DSCAML1: variants seen among roughly 807,000 people sequenced by gnomAD.
The protein encoded by DSCAML1 is cell adhesion molecule DSCAML1.
DSCAML1 carries 38 observed loss-of-function variants against 200.5 expected under a neutral mutation model. That is an observed-to-expected ratio of 0.19 (90% CI 0.15 to 0.25). The LOEUF is 0.25. DSCAML1 is among the 10% of genes least tolerant of loss of function. The pLI is 1.00. For missense variants in DSCAML1, 2,223 were observed against 2,858.8 expected, an observed-to-expected ratio of 0.78 and a Z score of 5.07; for synonymous variants, 1,215 against 1,165.0, an observed-to-expected ratio of 1.04 and a Z score of -0.87.
intron 11 of DSCAML1, among the ~76,000 whole-genome samples, chr11:117,499,350 A>G (rs1045880649): frequency 2.0e-5 from 3 of 152,178 alleles, no homozygotes; most frequent in African/African-American, 2.4e-5. Context: ...CTACAGTCAC[A>G]GCTAGTCTGA....
intron 3 of DSCAML1, among the ~76,000 whole-genome samples, chr11:117,544,932 CT>C (rs1037123900): frequency 2.6e-5 from 4 of 152,170 alleles, no homozygotes; most frequent in African/African-American, 9.6e-5. Context: ...TGATGATGCC[CT>C]TATAACAAGA....
intron 3 of DSCAML1, among the ~76,000 whole-genome samples, chr11:117,735,470 G>T (rs543560641): frequency 6.6e-6 from 1 of 152,080 alleles, no homozygotes; most frequent in Admixed American, 6.5e-5. Context: ...ACCTGCCCCT[G>T]AAGAGAGGAG....
At chr11:117,745,449 A>G (rs2054502413) in intron 3 of DSCAML1, among the ~76,000 whole-genome samples, 1 of 152,156 alleles carries the variant, frequency 6.6e-6, no homozygotes, top group African/African-American at 2.4e-5. Context: ...GGCGGGGGAC[A>G]GGGATGGGCA....
chr11:117,797,700 C>T (rs2055611092), upstream of DSCAML1, among the ~76,000 whole-genome samples: 4 of 152,078 alleles, frequency 2.6e-5, no homozygotes, highest in African/African-American at 9.7e-5. Context: ...CCCTTCCAAC[C>T]CCTCGTGACT....
At chr11:117,506,045 C>T (rs1712739143) in intron 8 of DSCAML1, among the ~76,000 whole-genome samples, 1 of 152,230 alleles carries the variant, frequency 6.6e-6, no homozygotes. Context: ...TCCAGCTTCC[C>T]TGCTGCTCCT....
chr11:117,658,715 T>G (rs750910586), intron 3 of DSCAML1, among the ~76,000 whole-genome samples: 1 of 152,212 alleles, frequency 6.6e-6, no homozygotes, highest in Non-Finnish European at 1.5e-5. Context: ...AGCTGGGAAT[T>G]AGGATAAGCA....
intron 20 of DSCAML1, among the ~76,000 whole-genome samples, chr11:117,447,506 AG>A (rs1161361799): frequency 3.3e-5 from 5 of 151,968 alleles, no homozygotes. Context: ...GTTTATCTGT[AG>A]GAAGTACAAG....
At position 117,521,136 on chromosome 11, in the gene DSCAML1, G is replaced by C; in HGVS notation, c.1207C>G (p.Leu403Val). ...TCCTGGCGCCCCAGCTCACCCTCAA[G>C]TGCAATGATGGCAAAGTCCTGGGCG... Reference protein sequence around the residue: ...QTAQDFAIIALEDGTPRIVSS... With the variant: ...QTAQDFAIIAVEDGTPRIVSS... The change falls in exon 6 of 33, where the codon CTT becomes GTT. Residue 403 changes from leucine (L) to valine (V), a missense_variant. By Grantham distance (32) the Leu-to-Val change is conservative. Around this residue, in one of 7 missense-constraint regions of DSCAML1, gnomAD observed 579 missense variants for 721.5 expected, o/e 0.80. Transcript: ENST00000651296. The C allele has an allele frequency of 2.5e-6, 4 of 1,612,150 alleles. No homozygotes were observed. Among genetic ancestry groups the C allele is most frequent in the Non-Finnish European group, 3.4e-6 (4 of 1,178,428 alleles).
chr11:117,786,156 G>C (rs1286978113), intron 1 of DSCAML1, among the ~76,000 whole-genome samples: 1 of 152,158 alleles, frequency 6.6e-6, no homozygotes, highest in African/African-American at 2.4e-5. Context: ...AAGAGGAGGG[G>C]GAACACTTCA....
At chr11:117,508,170 A>G (rs567600201) in intron 8 of DSCAML1, among the ~76,000 whole-genome samples, 10 of 152,102 alleles carry the variant, frequency 6.6e-5, no homozygotes, top group Non-Finnish European at 1.0e-4. Context: ...TCCTGCTCAC[A>G]AAGGCCTCCT....
intron 1 of DSCAML1, among the ~76,000 whole-genome samples, chr11:117,791,877 C>T (rs1591515480): frequency 6.6e-6 from 1 of 152,202 alleles, no homozygotes; most frequent in Non-Finnish European, 1.5e-5. Flanking sequence ...GTTTATTGAG[C>T]ACTAACTATG....
At chr11:117,664,940 G>C (rs1420762453) in intron 3 of DSCAML1, among the ~76,000 whole-genome samples, 2 of 152,178 alleles carry the variant, frequency 1.3e-5, no homozygotes, top group African/African-American at 4.8e-5. Context: ...AACAAACACT[G>C]TGGTCTGCCT....
intron 8 of DSCAML1, among the ~76,000 whole-genome samples, chr11:117,514,816 A>G (rs1807049): frequency 0.28 from 42,414 of 152,008 alleles, 6,057 homozygotes; most frequent in Non-Finnish European, 0.31. Context: ...TCCTGACCTC[A>G]GGTGATCCGC....
chr11:117,554,469 C>T (rs2137399296), intron 3 of DSCAML1, among the ~76,000 whole-genome samples: 1 of 152,252 alleles, frequency 6.6e-6, no homozygotes, highest in Non-Finnish European at 1.5e-5. Context: ...AAACCTCCGC[C>T]TCCTGGGTTC....
At chr11:117,687,930 C>CA (rs1657038995) in intron 3 of DSCAML1, among the ~76,000 whole-genome samples, 2 of 152,242 alleles carry the variant, frequency 1.3e-5, no homozygotes, top group African/African-American at 4.8e-5. Flanking sequence ...CCACGTGGTC[C>CA]AAGTAACAAG....
chr11:117,805,484 A>C (rs1247510487), intron 1 of DSCAML1, among the ~76,000 whole-genome samples: 2 of 152,258 alleles, frequency 1.3e-5, no homozygotes, highest in African/African-American at 4.8e-5. Flanking sequence ...ATCTATGGTC[A>C]AATAGGTTTG....
chr11:117,544,276 C>A (rs2050329993), intron 3 of DSCAML1, among the ~76,000 whole-genome samples: 1 of 152,178 alleles, frequency 6.6e-6, no homozygotes, highest in Admixed American at 6.5e-5. Context: ...AGTTGCTGCT[C>A]CATGCAATAC....
intron 3 of DSCAML1, among the ~76,000 whole-genome samples, chr11:117,559,952 A>G (rs1452935561): frequency 6.6e-6 from 1 of 152,036 alleles, no homozygotes; most frequent in Non-Finnish European, 1.5e-5. Flanking sequence ...CAAAGGGGGA[A>G]AGTCCTGCCC....
intron 3 of DSCAML1, among the ~76,000 whole-genome samples, chr11:117,612,392 C>A (rs887730903): frequency 2.0e-5 from 3 of 152,166 alleles, no homozygotes; most frequent in Non-Finnish European, 4.4e-5. Context: ...TCCACATCAG[C>A]GTTATGCTAT....
Sources: allele counts gnomAD v4.1 joint callset (sites outside exome capture counted in the v4.1 genomes callset), GRCh38; gene constraint gnomAD v4.1.1; regional missense constraint gnomAD v4.1.1; transcripts MANE v1.5; gene names NCBI Gene and HGNC (gene_info 2026-07-23, HGNC 2026-07-21).